The following LAMA2 variants were observed in gnomAD, a reference collection of about 807,000 sequenced individuals.
LAMA2 encodes the protein laminin subunit alpha-2.
LAMA2 carries 269 observed loss-of-function variants against 364.8 expected under a neutral mutation model. The observed-to-expected ratio is 0.74, with a 90% CI of 0.67 to 0.82. The LOEUF (loss-of-function observed/expected upper bound fraction) is 0.82. Ranked by LOEUF, LAMA2 falls within the 40% of genes least tolerant of loss-of-function variation. The pLI is 0.00. For missense variants in LAMA2, 3,807 were observed against 3,873.2 expected (o/e 0.98, Z 0.45); for synonymous variants, 1,379 against 1,370.6 (o/e 1.01, Z -0.14).
intron 14 of LAMA2, among the ~76,000 whole-genome samples, chr6:129,259,497 A>G (rs1036382065): frequency 1.1e-4 from 16 of 152,106 alleles, no homozygotes; most frequent in Admixed American, 3.3e-4. Flanking sequence ...TTATGAGTCA[A>G]TAGTAGTCAT....
intron 12 of LAMA2, among the ~76,000 whole-genome samples, chr6:129,242,462 T>A (rs1785456885): frequency 6.6e-6 from 1 of 152,178 alleles, no homozygotes; most frequent in Non-Finnish European, 1.5e-5. Flanking sequence ...TCAGCATTGA[T>A]GTTGTATATT....
At chr6:129,134,553 G>C (rs908548990) in intron 4 of LAMA2, among the ~76,000 whole-genome samples, 1 of 152,196 alleles carries the variant, frequency 6.6e-6, no homozygotes, top group Admixed American at 6.5e-5. Context: ...GGAATTGACA[G>C]GGGGGATGGG....
chr6:129,232,036 G>A (rs1784696154), intron 12 of LAMA2, among the ~76,000 whole-genome samples: 1 of 152,010 alleles, frequency 6.6e-6, no homozygotes, highest in South Asian at 2.1e-4. Flanking sequence ...ATGTCCTTTT[G>A]ATTGAAACTG....
intron 8 of LAMA2, chr6:129,158,315 G>T: frequency 6.2e-7 from 1 of 1,614,028 alleles, no homozygotes; most frequent in South Asian, 1.1e-5. Flanking sequence ...GAAACCAGCT[G>T]GCTTCTTCAG....
chr6:129,514,803 T>C (rs572796643), intron 64 of LAMA2, among the ~76,000 whole-genome samples: 2 of 152,312 alleles, frequency 1.3e-5, no homozygotes, highest in East Asian at 1.9e-4. Context: ...ACTGAACTTT[T>C]CATGAGAGCC....
At chr6:129,495,345 C>T (rs1204350958) in intron 58 of LAMA2, among the ~76,000 whole-genome samples, 1 of 152,140 alleles carries the variant, frequency 6.6e-6, no homozygotes, top group Non-Finnish European at 1.5e-5. Context: ...TGTATTATCT[C>T]ATTTCTAATT....
intron 1 of LAMA2, among the ~76,000 whole-genome samples, chr6:128,951,724 G>A (rs907104932): frequency 8.5e-5 from 13 of 152,120 alleles, no homozygotes; most frequent in African/African-American, 3.1e-4. Context: ...CCCCAAAACT[G>A]TTGATATAGT....
At chr6:129,096,588 A>G (rs1775203028) in intron 3 of LAMA2, among the ~76,000 whole-genome samples, 1 of 152,198 alleles carries the variant, frequency 6.6e-6, no homozygotes, top group Non-Finnish European at 1.5e-5. Context: ...ACTCAATAAA[A>G]CAGAATGCTC....
chr6:129,171,206 A>G (rs1780127416), intron 9 of LAMA2, among the ~76,000 whole-genome samples: 1 of 152,054 alleles, frequency 6.6e-6, no homozygotes, highest in Non-Finnish European at 1.5e-5. Flanking sequence ...TGTGAATTTG[A>G]TCCTGTCATG....
intron 12 of LAMA2, among the ~76,000 whole-genome samples, chr6:129,215,624 A>C (rs1189815700): frequency 2.0e-5 from 3 of 152,120 alleles, no homozygotes; most frequent in Non-Finnish European, 4.4e-5. Context: ...AATAAATCTG[A>C]TTTAATTTTT....
At chr6:128,951,687 T>C (rs1780830336) in intron 1 of LAMA2, among the ~76,000 whole-genome samples, 1 of 152,204 alleles carries the variant, frequency 6.6e-6, no homozygotes, top group Non-Finnish European at 1.5e-5. Flanking sequence ...CTAATTCTCC[T>C]TTAAAGAGGC....
At chr6:128,997,367 A>AAAGC (rs1491283457) in intron 1 of LAMA2, among the ~76,000 whole-genome samples, 1 of 149,090 alleles carries the variant, frequency 6.7e-6, no homozygotes, top group Non-Finnish European at 1.5e-5. Flanking sequence ...CGAAAGAAAG[A>AAAGC]AAGAGAGAGA....
At chr6:129,438,826 T>C (rs1781962011) in intron 42 of LAMA2, 64 bp downstream of exon 42, 4 of 835,166 alleles carry the variant, frequency 4.8e-6, no homozygotes, top group Non-Finnish European at 8.5e-6. Flanking sequence ...TGTTGTTAAC[T>C]TTTACCATTT....
intron 1 of LAMA2, among the ~76,000 whole-genome samples, chr6:128,909,208 G>A (rs1347471784): frequency 1.8e-4 from 28 of 152,168 alleles, no homozygotes; most frequent in Admixed American, 5.2e-4. Context: ...TTTCTGTCTC[G>A]TTGATCTGTC....
intron 35 of LAMA2, among the ~76,000 whole-genome samples, chr6:129,390,141 A>G (rs182794574): frequency 6.6e-6 from 1 of 152,320 alleles, no homozygotes; most frequent in Admixed American, 6.5e-5. Flanking sequence ...TTGAAACTCA[A>G]TTCTTTCTAC....
chr6:129,353,012 A>G (rs1776939871), intron 31 of LAMA2, 152 bp from the exon 32 acceptor site: 3 of 564,654 alleles, frequency 5.3e-6, no homozygotes, highest in African/African-American at 1.9e-5. Context: ...TGCAAAGCCT[A>G]CTGTTTACTA....
chr6:128,936,307 G>T (rs1779807787), intron 1 of LAMA2, among the ~76,000 whole-genome samples: 1 of 152,182 alleles, frequency 6.6e-6, no homozygotes, highest in Admixed American at 6.5e-5. Context: ...GACATCAGCT[G>T]TAGACTTGTC....
chr6:129,516,039 A>G (rs773246181), intron 64 of LAMA2, 151 bp from the exon 65 acceptor site: 2 of 886,642 alleles, frequency 2.3e-6, no homozygotes, highest in Non-Finnish European at 3.8e-6. Context: ...TTTCTCTACA[A>G]TTCTATTAGT....
At chr6:129,460,425 G>T in intron 49 of LAMA2, 101 bp downstream of exon 49, 2 of 1,223,306 alleles carry the variant, frequency 1.6e-6, no homozygotes, top group Non-Finnish European at 2.4e-6. Context: ...ATGTGGAGCA[G>T]GTTTGAAAGG....
Sources: allele counts gnomAD v4.1 joint callset (sites outside exome capture counted in the v4.1 genomes callset), GRCh38; gene constraint gnomAD v4.1.1; transcripts MANE v1.5; gene names NCBI Gene and HGNC (gene_info 2026-07-23, HGNC 2026-07-21).